Variants in CNTNAP2 observed in about 807,000 individuals in gnomAD.
The protein encoded by CNTNAP2 is contactin associated protein 2, also known as contactin-associated protein-like 2.
Under a neutral mutation model 155.2 loss-of-function variants are expected in CNTNAP2, and 98 were observed. The ratio of observed to expected loss-of-function variants is 0.63; its 90% CI spans 0.54 to 0.75. The LOEUF is 0.75. Ranked by LOEUF, CNTNAP2 falls within the 30% of genes least tolerant of loss-of-function variation. The pLI is 0.00. For missense variants in CNTNAP2, 1,727 were observed against 1,688.1 expected (o/e 1.02, Z -0.40); for synonymous variants, 651 against 631.2 (o/e 1.03, Z -0.47).
chr7:147,736,279 G>A (rs1796841931), intron 13 of CNTNAP2, among the ~76,000 whole-genome samples: 2 of 152,098 alleles, frequency 1.3e-5, no homozygotes, highest in South Asian at 4.2e-4. Flanking sequence ...CTTCACTTAT[G>A]AAGCTTAGTT....
chr7:147,766,998 T>C (rs1797391967), intron 13 of CNTNAP2, among the ~76,000 whole-genome samples: 1 of 152,108 alleles, frequency 6.6e-6, no homozygotes, highest in African/African-American at 2.4e-5. Context: ...ATCATCAATA[T>C]ATTGTACCAG....
rs189782783 is a variant in CNTNAP2 at position 146,133,753 on chromosome 7, G to T, written c.97+16780G>T. ...ATGTGGCGTTATTTCTGCAGGCTCTGTTCTGTTCCATTGATCTATATCTCT... is the reference window on the plus strand; with the variant it reads ...ATGTGGCGTTATTTCTGCAGGCTCTTTTCTGTTCCATTGATCTATATCTCT... On this transcript the variant is annotated intron_variant, in intron 1 of 23. Transcript: ENST00000361727. 1.8e-4 allele frequency among the ~76,000 whole-genome samples: 28 copies of T among 152,268 alleles called. 1 individual carries two copies. The highest frequency in any genetic ancestry group is 1.8e-3 in the Admixed American group (28 of 15,292).
At position 147,357,466 on chromosome 7, in the gene CNTNAP2, A is replaced by G. The variant is rs545305454; in HGVS notation, c.1499-38143A>G. On this transcript the variant is annotated intron_variant, in intron 9 of 23. Coordinates refer to ENST00000361727, the MANE Select transcript of CNTNAP2 (RefSeq NM_014141.6). ...TTGGCAATGCCAGTGATCTAAGGTG[A>G]TGGAATCTGTTGATCCTACATGCAG... Among the ~76,000 whole-genome samples the G allele has an allele frequency of 5.9e-5, 9 of 152,194 alleles. No individual in the cohort carries two copies. The East Asian group carries it at 1.5e-3, about 26-fold the overall frequency.
intron 3 of CNTNAP2, among the ~76,000 whole-genome samples, chr7:147,026,667 C>T (rs1798926581): frequency 6.6e-6 from 1 of 150,618 alleles, no homozygotes; most frequent in Non-Finnish European, 1.5e-5. Context: ...CTACGTTTCT[C>T]CTGGTTAGTT....
At chr7:146,567,241 ATTCT>A (rs1284025498) in intron 1 of CNTNAP2, among the ~76,000 whole-genome samples, 1 of 152,210 alleles carries the variant, frequency 6.6e-6, no homozygotes, top group Non-Finnish European at 1.5e-5. Flanking sequence ...GGCATACTGC[ATTCT>A]TTATCAACAA....
At chr7:148,298,787 C>G (rs1308246892) in intron 21 of CNTNAP2, among the ~76,000 whole-genome samples, 1 of 152,110 alleles carries the variant, frequency 6.6e-6, no homozygotes, top group Non-Finnish European at 1.5e-5. Flanking sequence ...AAGCCTCAAC[C>G]TCCTCAGCTC....
chr7:147,171,223 G>A (rs1802219743), intron 8 of CNTNAP2, among the ~76,000 whole-genome samples: 1 of 152,168 alleles, frequency 6.6e-6, no homozygotes, highest in East Asian at 1.9e-4. Flanking sequence ...TTAGCATTCA[G>A]GCACCTCCCA....
chr7:147,832,206 T>C, intron 13 of CNTNAP2, among the ~76,000 whole-genome samples: 1 of 141,376 alleles, frequency 7.1e-6, no homozygotes, highest in East Asian at 2.1e-4. Context: ...TATATAAACA[T>C]TTAATTAAAT....
chr7:147,421,247 T>C (rs1305248745), intron 10 of CNTNAP2, among the ~76,000 whole-genome samples: 1 of 152,144 alleles, frequency 6.6e-6, no homozygotes, highest in Non-Finnish European at 1.5e-5. Context: ...GAGGATTTTC[T>C]AATAACCACG....
At chr7:148,173,606 C>A (rs1794871306) in intron 18 of CNTNAP2, among the ~76,000 whole-genome samples, 1 of 152,136 alleles carries the variant, frequency 6.6e-6, no homozygotes, top group Non-Finnish European at 1.5e-5. Flanking sequence ...GAGACAACAA[C>A]AAAGGTGGAA....
intron 1 of CNTNAP2, among the ~76,000 whole-genome samples, chr7:146,186,254 G>T (rs574561078): frequency 1.1e-3 from 175 of 152,208 alleles, no homozygotes; most frequent in African/African-American, 4.1e-3. Context: ...ATAGGGAATT[G>T]TGGCTCATTT....
At chr7:147,584,215 T>C (rs1329211946) in intron 12 of CNTNAP2, among the ~76,000 whole-genome samples, 1 of 152,224 alleles carries the variant, frequency 6.6e-6, no homozygotes, top group African/African-American at 2.4e-5. Flanking sequence ...GAAGAGCTCT[T>C]TTGAGATGCT....
intron 13 of CNTNAP2, among the ~76,000 whole-genome samples, chr7:147,860,603 A>AAAAAAAAAAAAAAAAG (rs1554442605): frequency 1.3e-5 from 2 of 151,034 alleles, no homozygotes; most frequent in Non-Finnish European, 3.0e-5. Flanking sequence ...AAAAAAAAAA[A>AAAAAAAAAAAAAAAAG]GTGTTTGGCA....
At chr7:146,996,430 C>T (rs1312107963) in intron 3 of CNTNAP2, among the ~76,000 whole-genome samples, 1 of 151,998 alleles carries the variant, frequency 6.6e-6, no homozygotes, top group Non-Finnish European at 1.5e-5. Context: ...AGATCTTTCA[C>T]CTCCCTGGTT....
chr7:148,333,404 G>A (rs1305593642), intron 21 of CNTNAP2, among the ~76,000 whole-genome samples: 1 of 151,606 alleles, frequency 6.6e-6, no homozygotes, highest in East Asian at 1.9e-4. Flanking sequence ...CTCCATCCTG[G>A]GTGACAGATC....
chr7:147,871,070 A>G (rs1158432247), intron 13 of CNTNAP2, among the ~76,000 whole-genome samples: 1 of 152,170 alleles, frequency 6.6e-6, no homozygotes, highest in African/African-American at 2.4e-5. Context: ...ATGAACTCAG[A>G]CCAACCATCA....
chr7:147,947,901 G>A (rs1800849314), intron 14 of CNTNAP2, among the ~76,000 whole-genome samples: 1 of 151,984 alleles, frequency 6.6e-6, no homozygotes, highest in African/African-American at 2.4e-5. Flanking sequence ...AATAAACTTG[G>A]ATTCATTTGA....
At chr7:147,825,957 G>A (rs1289637094) in intron 13 of CNTNAP2, among the ~76,000 whole-genome samples, 2 of 152,140 alleles carry the variant, frequency 1.3e-5, no homozygotes, top group Non-Finnish European at 2.9e-5. Context: ...TTCTCACTTC[G>A]GTTCCTTGGT....
intron 1 of CNTNAP2, among the ~76,000 whole-genome samples, chr7:146,270,601 A>G (rs987319791): frequency 2.0e-5 from 3 of 152,148 alleles, no homozygotes; most frequent in Admixed American, 6.5e-5. Flanking sequence ...TTTCCAAAAG[A>G]TGTTTTATGA....
Sources: allele counts gnomAD v4.1 joint callset (sites outside exome capture counted in the v4.1 genomes callset), GRCh38; gene constraint gnomAD v4.1.1; transcripts MANE v1.5; gene names NCBI Gene and HGNC (gene_info 2026-07-23, HGNC 2026-07-21).